STARD9: variants seen among roughly 807,000 people sequenced by gnomAD.
STARD9 encodes the protein StAR related lipid transfer domain containing 9, also known as stAR-related lipid transfer protein 9.
STARD9 carries 346 observed loss-of-function variants against 399.8 expected under a neutral mutation model. The ratio of observed to expected loss-of-function variants is 0.87; its 90% CI spans 0.79 to 0.95. The LOEUF (loss-of-function observed/expected upper bound fraction) is 0.95, where lower values mean the gene tolerates loss of function less well. Among genes scored for constraint, STARD9 ranks in the 40% least tolerant of loss-of-function variants. The pLI is 0.00. For missense variants in STARD9, 5,832 were observed against 5,667.5 expected (o/e 1.03, Z -0.93); for synonymous variants, 2,203 against 2,143.5 (o/e 1.03, Z -0.77).
At chr15:42,646,655 T>C (rs761070840) in intron 7 of STARD9, among the ~76,000 whole-genome samples, 24 of 152,240 alleles carry the variant, frequency 1.6e-4, no homozygotes, top group Non-Finnish European at 3.2e-4. Context: ...AAAACTTTCT[T>C]CATATCAGCA....
At chr15:42,635,243 A>C (rs1566891720) in intron 4 of STARD9, among the ~76,000 whole-genome samples, 1 of 150,954 alleles carries the variant, frequency 6.6e-6, no homozygotes, top group Non-Finnish European at 1.5e-5. Context: ...CTGGGCAACA[A>C]GAGCAAAACT....
At chr15:42,578,878 CCTTT>C (rs1018630620) in intron 1 of STARD9, among the ~76,000 whole-genome samples, 32 of 152,300 alleles carry the variant, frequency 2.1e-4, no homozygotes, top group African/African-American at 5.5e-4. Flanking sequence ...AGACATCCTT[CCTTT>C]CTTCTTTCTA....
intron 16 of STARD9, chr15:42,674,106 C>T: frequency 2.3e-6 from 1 of 439,786 alleles, no homozygotes; most frequent in Non-Finnish European, 4.5e-6. Context: ...GAGAATTTTT[C>T]TGACCAATGG....
At chr15:42,717,833 T>G in intron 29 of STARD9, 38 bp downstream of exon 29, 15 of 1,531,138 alleles carry the variant, frequency 9.8e-6, no homozygotes, top group African/African-American at 1.4e-5. Context: ...GTGTCTGTCT[T>G]GGTAAGCTTG....
chr15:42,714,456 A>T (rs1455066662), intron 26 of STARD9, among the ~76,000 whole-genome samples: 1 of 152,194 alleles, frequency 6.6e-6, no homozygotes, highest in Non-Finnish European at 1.5e-5. Flanking sequence ...AGTTCATAGT[A>T]TTAATTCATT....
chr15:42,686,166 A>C lies in STARD9; in HGVS notation c.4588A>C (p.Thr1530Pro), dbSNP rs2060551116. ...LAQASSKGGD[T>P]LLPVGPRVSS... The stretch of plus-strand genomic sequence containing the variant: ...CCAAGCTTCTAGCAAAGGAGGAGAT[A>C]CTCTATTGCCAGTTGGCCCTAGGGT... The change falls in exon 23 of 33, where the codon ACT becomes CCT. Residue 1530 changes from threonine (T) to proline (P), a missense_variant. Coordinates refer to ENST00000290607, the MANE Select transcript of STARD9 (RefSeq NM_020759.3). The C allele has an allele frequency of 2.6e-6, 4 of 1,537,328 alleles. No individual in the cohort carries two copies. The highest frequency in any genetic ancestry group is 3.5e-6 in the Non-Finnish European group (4 of 1,146,940).
chr15:42,616,486 ACT>A (rs1258915087), intron 3 of STARD9, among the ~76,000 whole-genome samples: 4 of 152,216 alleles, frequency 2.6e-5, no homozygotes, highest in South Asian at 2.1e-4. Context: ...TTTCCTGATA[ACT>A]CTGCCAACAG....
chr15:42,686,820 T>C lies in STARD9; in HGVS notation c.5242T>C (p.Tyr1748His), dbSNP rs554486366. Residue 1748 changes from tyrosine (Y) to histidine (H), a missense_variant, in exon 23 of 33, where the codon TAT (tyrosine) becomes CAT (histidine). Tyr to His is a moderately conservative substitution (Grantham distance 83). Around this residue, in one of 2 missense-constraint regions of STARD9, gnomAD observed 5,828 missense variants for 5,651.1 expected, o/e 1.03. Transcript: ENST00000290607. ...GCAGCCCCCACTCTTGGAAACATTCTATGTGACCAAAAGCAGGGATGCCCT... is the reference window on the plus strand; with the variant it reads ...GCAGCCCCCACTCTTGGAAACATTCCATGTGACCAAAAGCAGGGATGCCCT... ...SLQPPLLETF[Y>H]VTKSRDALTE... The C allele has an allele frequency of 5.2e-6, 8 of 1,537,200 alleles. No individual in the cohort carries two copies. The African/African-American group carries it at 6.8e-5, about 13-fold the overall frequency.
At chr15:42,663,728 C>A in intron 12 of STARD9, 92 bp from the exon 13 acceptor site, 1 of 1,019,734 alleles carries the variant, frequency 9.8e-7, no homozygotes, top group Non-Finnish European at 1.5e-6. Flanking sequence ...CATCAGGGGT[C>A]TTATACAGCA....
Position 42,716,742 on chromosome 15 carries a change from A to T in STARD9, c.13350A>T (p.Ala4450=), listed in dbSNP as rs1459369111. The change falls in exon 27 of 33, where the codon GCA becomes GCT. Residue 4450 remains alanine, a synonymous_variant. Transcript: ENST00000290607. ...WIGDERGGHS[A]VRKNSAYSHR... ...GGGATGAGCGAGGAGGCCATTCTGC[A>T]GTGAGGAAGAACTCTGCCTACAGTG... 2 of 1,537,048 alleles carry T rather than the reference A, an allele frequency of 1.3e-6. No homozygotes were observed. The highest frequency in any genetic ancestry group is 8.7e-7 in the Non-Finnish European group (1 of 1,146,730).
intron 7 of STARD9, among the ~76,000 whole-genome samples, chr15:42,642,921 C>T (rs1353066103): frequency 6.6e-6 from 1 of 152,070 alleles, no homozygotes; most frequent in Non-Finnish European, 1.5e-5. Context: ...ACCTCAGCCT[C>T]CCAAGTAGCT....
At chr15:42,653,350 T>C (rs1455960200) in intron 9 of STARD9, among the ~76,000 whole-genome samples, 1 of 152,118 alleles carries the variant, frequency 6.6e-6, no homozygotes, top group Non-Finnish European at 1.5e-5. Context: ...TGTAACAAAG[T>C]GAGAAGTACC....
intron 3 of STARD9, among the ~76,000 whole-genome samples, chr15:42,614,338 G>C (rs2058913673): frequency 1.3e-5 from 2 of 152,090 alleles, no homozygotes; most frequent in South Asian, 4.2e-4. Context: ...AGGCTTTTAA[G>C]TGGACAAGAA....
chr15:42,636,580 C>CA (rs1264413894), intron 4 of STARD9, among the ~76,000 whole-genome samples: 2 of 150,856 alleles, frequency 1.3e-5, no homozygotes, highest in Non-Finnish European at 3.0e-5. Context: ...GACTTTGTCT[C>CA]AAAAAAATAA....
At position 42,693,960 on chromosome 15, in the gene STARD9, C is replaced by T. The variant is rs771022186; in HGVS notation, c.12382C>T (p.His4128Tyr). Residue 4128 changes from histidine to tyrosine, a missense_variant, in exon 23 of 33, where the codon CAC (histidine) becomes TAC (tyrosine). By Grantham distance (83) the His-to-Tyr change is moderately conservative (BLOSUM62 2). This residue lies in a region of STARD9 where 5,828 missense variants were observed against 5,651.1 expected (regional missense o/e 1.03). Transcript: ENST00000290607. ...TTGCCAGATGTGCATGGCCCCTGAG[C>T]ACCAGCACCACAGTCTGAGGGACCT... is the stretch of plus-strand genomic sequence containing the variant. ...FSCQMCMAPE[H>Y]QHHSLRDLPV... 6.6e-6 allele frequency: 10 copies of T among 1,504,218 alleles called. No homozygotes were observed. In the South Asian group the frequency reaches 8.9e-5, roughly 13 times the overall value. 93.2% of individuals were successfully genotyped at this position (1,504,218 alleles called of 1,614,324 possible).
In STARD9 at chr15:42,691,131, A is replaced by T. The variant is rs1205009084; in HGVS notation, c.9553A>T (p.Asn3185Tyr). Residue 3185 changes from asparagine (N) to tyrosine (Y), a missense_variant, in exon 23 of 33, where the codon AAT becomes TAT. By Grantham distance (143) the Asn-to-Tyr change is moderately radical. Coordinates refer to ENST00000290607, the MANE Select transcript of STARD9 (RefSeq NM_020759.3). Reference sequence around the variant, plus strand: ...ATTTTCCACTGAGTTGAGGGATCACAATCGCTTGGATTCCCAAGCCAAGTT... The same window carrying T: ...ATTTTCCACTGAGTTGAGGGATCACTATCGCTTGGATTCCCAAGCCAAGTT... ...PQFSTELRDH[N>Y]RLDSQAKFVA... 1 of 1,537,266 alleles carries T rather than the reference A, an allele frequency of 6.5e-7. No homozygotes were observed. The highest frequency in any genetic ancestry group is 2.0e-5 in the Admixed American group (1 of 51,004).
At chr15:42,584,714 C>T (rs1441905143) in intron 2 of STARD9, among the ~76,000 whole-genome samples, 2 of 152,190 alleles carry the variant, frequency 1.3e-5, no homozygotes, top group Admixed American at 6.5e-5. Context: ...TACATTGCTT[C>T]TGACTCTTCT....
chr15:42,579,912 C>A (rs2058132882), intron 1 of STARD9, among the ~76,000 whole-genome samples: 1 of 152,166 alleles, frequency 6.6e-6, no homozygotes, highest in Non-Finnish European at 1.5e-5. Flanking sequence ...TCAGGCGTTA[C>A]CCACCAAGTG....
chr15:42,711,147 T>TC (rs2061211417), intron 26 of STARD9, among the ~76,000 whole-genome samples: 1 of 151,438 alleles, frequency 6.6e-6, no homozygotes, highest in African/African-American at 2.4e-5. Context: ...AACTTTTTTT[T>TC]TTTTTTTTTG....
Sources: gnomAD v4.1 joint callset for allele counts (sites outside exome capture counted in the v4.1 genomes callset) on GRCh38, gnomAD v4.1.1 for gene constraint, gnomAD v4.1.1 regional missense constraint, MANE v1.5 for transcripts, NCBI Gene and HGNC (gene_info 2026-07-23, HGNC 2026-07-21) for gene names.